Variants in NEDD4 observed in about 807,000 individuals in gnomAD.
NEDD4 encodes E3 ubiquitin-protein ligase NEDD4.
NEDD4 carries 99 observed loss-of-function variants against 144.9 expected under a neutral mutation model. The observed-to-expected ratio is 0.68, with a 90% CI of 0.58 to 0.81. NEDD4 has a LOEUF of 0.81. NEDD4 is among the 30% of genes least tolerant of loss of function. NEDD4 has a pLI of 0.00. For synonymous variants in NEDD4, 318 were observed against 350.6 expected (o/e 0.91, Z 1.04); for missense variants, 985 against 1,065.9 (o/e 0.92, Z 1.06).
At chr15:55,890,680 C>T (rs2035542888) in intron 5 of NEDD4, among the ~76,000 whole-genome samples, 1 of 152,136 alleles carries the variant, frequency 6.6e-6, no homozygotes, top group African/African-American at 2.4e-5. Flanking sequence ...GTTTTCATTT[C>T]TCTTGGATAT....
chr15:55,981,964 ATTACT>A (rs1353984413), intron 1 of NEDD4, among the ~76,000 whole-genome samples: 2 of 152,210 alleles, frequency 1.3e-5, no homozygotes, highest in Admixed American at 6.5e-5. Context: ...ACAACTCATC[ATTACT>A]TTACATCTTA....
At chr15:55,837,066 T>A (rs540259753) in intron 24 of NEDD4, among the ~76,000 whole-genome samples, 1 of 152,252 alleles carries the variant, frequency 6.6e-6, no homozygotes, top group South Asian at 2.1e-4. Context: ...ATATTCTGAA[T>A]AAAATATAGC....
chr15:55,910,848 T>C (rs1232819144), intron 5 of NEDD4, among the ~76,000 whole-genome samples: 1 of 152,242 alleles, frequency 6.6e-6, no homozygotes, highest in South Asian at 2.1e-4. Flanking sequence ...TTAATTCATT[T>C]ATAATCCATG....
intron 4 of NEDD4, among the ~76,000 whole-genome samples, chr15:55,933,539 G>T (rs2036824089): frequency 8.3e-6 from 1 of 120,932 alleles, no homozygotes; most frequent in South Asian, 3.6e-4. Context: ...TGGGGTGGGG[G>T]GAGGGGGAAG....
At chr15:55,937,045 G>A (rs781352785) in intron 4 of NEDD4, among the ~76,000 whole-genome samples, 6 of 151,952 alleles carry the variant, frequency 3.9e-5, no homozygotes, top group Non-Finnish European at 7.4e-5. Context: ...CACCCTCCTC[G>A]GCCTCCCAAA....
chr15:55,925,863 T>C (rs2036651830), intron 4 of NEDD4, among the ~76,000 whole-genome samples: 1 of 152,104 alleles, frequency 6.6e-6, no homozygotes, highest in Non-Finnish European at 1.5e-5. Flanking sequence ...TTCAATGAAG[T>C]ATAAAGTATA....
intron 24 of NEDD4, among the ~76,000 whole-genome samples, chr15:55,837,426 C>A (rs569138849): frequency 2.0e-3 from 133 of 67,554 alleles, no homozygotes; most frequent in Non-Finnish European, 3.6e-3. Context: ...TGACTCACTC[C>A]GCGCTCAAAA....
At chr15:55,968,834 G>A (rs1192499530) in intron 1 of NEDD4, among the ~76,000 whole-genome samples, 1 of 152,178 alleles carries the variant, frequency 6.6e-6, no homozygotes, top group Non-Finnish European at 1.5e-5. Flanking sequence ...ATTTACAGGA[G>A]CATTTTTTAA....
intron 5 of NEDD4, among the ~76,000 whole-genome samples, chr15:55,897,220 G>A (rs1025576262): frequency 4.6e-5 from 7 of 152,102 alleles, no homozygotes; most frequent in South Asian, 2.1e-4. Flanking sequence ...TGATCCGCCC[G>A]CCTCGGCCTC....
At chr15:55,885,748 T>A (rs34727807) in intron 5 of NEDD4, among the ~76,000 whole-genome samples, 1 of 151,800 alleles carries the variant, frequency 6.6e-6, no homozygotes, top group Non-Finnish European at 1.5e-5. Context: ...TAAAATCACC[T>A]TCACTAAAAG....
At chr15:55,840,982 G>T (rs1403025195) in intron 19 of NEDD4, among the ~76,000 whole-genome samples, 2 of 152,018 alleles carry the variant, frequency 1.3e-5, no homozygotes, top group Non-Finnish European at 2.9e-5. Context: ...CGCCCAGGCT[G>T]GAGTGCAATG....
At chr15:55,939,850 C>A (rs1321663315) in intron 4 of NEDD4, among the ~76,000 whole-genome samples, 2 of 152,150 alleles carry the variant, frequency 1.3e-5, no homozygotes, top group African/African-American at 2.4e-5. Flanking sequence ...GATCATCCAG[C>A]AATCCCACTT....
intron 2 of NEDD4, chr15:55,952,740 G>A (rs1436072984): frequency 6.6e-6 from 1 of 152,186 alleles, no homozygotes; most frequent in Non-Finnish European, 1.5e-5. Context: ...TGCGTCATCT[G>A]TTCTCACTGC....
intron 7 of NEDD4, among the ~76,000 whole-genome samples, chr15:55,871,549 G>C (rs1403665327): frequency 6.6e-6 from 1 of 152,064 alleles, no homozygotes; most frequent in Admixed American, 6.5e-5. Context: ...AAAATTAAAA[G>C]ACTAAAAGAG....
chr15:55,872,303 A>G (rs1386945254), intron 7 of NEDD4, 112 bp downstream of exon 7: 8 of 307,906 alleles, frequency 2.6e-5, no homozygotes, highest in African/African-American at 4.5e-5. Flanking sequence ...AATAATATTT[A>G]GAAGTAACTT....
At chr15:55,990,265 A>G (rs1437958324) in intron 1 of NEDD4, among the ~76,000 whole-genome samples, 1 of 152,144 alleles carries the variant, frequency 6.6e-6, no homozygotes, top group African/African-American at 2.4e-5. Context: ...TCCCCGGTCC[A>G]TGGAAAAACT....
intron 5 of NEDD4, among the ~76,000 whole-genome samples, chr15:55,880,157 T>C (rs2035134058): frequency 6.6e-6 from 1 of 152,028 alleles, no homozygotes; most frequent in South Asian, 2.1e-4. Context: ...CAGGGCATAG[T>C]GGTACATGCC....
At chr15:55,863,562 TATTGTC>T (rs1251449951) in intron 8 of NEDD4, among the ~76,000 whole-genome samples, 1 of 152,188 alleles carries the variant, frequency 6.6e-6, no homozygotes, top group African/African-American at 2.4e-5. Flanking sequence ...TATATACAAT[TATTGTC>T]AATCAAAAAT....
intron 14 of NEDD4, among the ~76,000 whole-genome samples, chr15:55,850,202 T>C (rs1183327799): frequency 1.3e-5 from 2 of 152,204 alleles, no homozygotes; most frequent in Non-Finnish European, 2.9e-5. Flanking sequence ...GTTTTTTTGA[T>C]ATTAAATGAG....
Sources: allele counts gnomAD v4.1 joint callset (sites outside exome capture counted in the v4.1 genomes callset), GRCh38; gene constraint gnomAD v4.1.1; transcripts MANE v1.5; gene names NCBI Gene and HGNC (gene_info 2026-07-23, HGNC 2026-07-21).